COMMD10: variants seen among roughly 807,000 people sequenced by gnomAD.
COMMD10 encodes COMM domain-containing protein 10.
A neutral mutation model predicts 28.9 loss-of-function variants in COMMD10; 33 were observed. The ratio of observed to expected loss-of-function variants is 1.14; its 90% CI spans 0.87 to 1.53. The LOEUF (loss-of-function observed/expected upper bound fraction) is 1.53, where lower values mean the gene tolerates loss of function less well. Ranked by LOEUF, COMMD10 falls within the 40% of genes most tolerant of loss-of-function variation. The pLI, the probability that COMMD10 is intolerant of heterozygous loss-of-function variation, is 0.00. For synonymous variants in COMMD10, 110 were observed against 81.7 expected, an observed-to-expected ratio of 1.35 and a Z score of -1.87; for missense variants, 310 against 233.4, an observed-to-expected ratio of 1.33 and a Z score of -2.14.
chr5:116,185,718 A>G (rs1307652297), intron 5 of COMMD10, among the ~76,000 whole-genome samples: 4 of 152,174 alleles, frequency 2.6e-5, no homozygotes, highest in Admixed American at 6.6e-5. Flanking sequence ...ACAAAGAGCT[A>G]TGTTTTGAGC....
intron 5 of COMMD10, among the ~76,000 whole-genome samples, chr5:116,191,189 G>T (rs1257997730): frequency 6.6e-6 from 1 of 152,084 alleles, no homozygotes; most frequent in Non-Finnish European, 1.5e-5. Flanking sequence ...ACACCACAGG[G>T]ATCCATCAGG....
intron 5 of COMMD10, among the ~76,000 whole-genome samples, chr5:116,202,665 T>C (rs1748700554): frequency 6.6e-6 from 1 of 152,020 alleles, no homozygotes; most frequent in Admixed American, 6.6e-5. Flanking sequence ...CATGTGTCTT[T>C]TGGCTGCATC....
intron 5 of COMMD10, among the ~76,000 whole-genome samples, chr5:116,226,005 A>T (rs1749386235): frequency 6.6e-6 from 1 of 151,950 alleles, no homozygotes; most frequent in South Asian, 2.1e-4. Flanking sequence ...TCCAAGTTCT[A>T]GCATCTTTAG....
intron 5 of COMMD10, among the ~76,000 whole-genome samples, chr5:116,149,822 TGGTA>T (rs1483396035): frequency 1.4e-5 from 2 of 147,046 alleles, no homozygotes; most frequent in African/African-American, 5.0e-5. Context: ...TTCACTCTGA[TGGTA>T]GTTTCTTTTG....
At chr5:116,197,864 T>A (rs1446240921) in intron 5 of COMMD10, among the ~76,000 whole-genome samples, 4 of 152,160 alleles carry the variant, frequency 2.6e-5, no homozygotes, top group Non-Finnish European at 5.9e-5. Context: ...TTGCCTAGGT[T>A]ATATATTGAG....
At chr5:116,229,536 A>G (rs533036224) in intron 5 of COMMD10, among the ~76,000 whole-genome samples, 1 of 152,058 alleles carries the variant, frequency 6.6e-6, no homozygotes, top group Non-Finnish European at 1.5e-5. Context: ...TCAGCAAGCA[A>G]TTATTGAGCA....
chr5:116,151,932 G>A (rs9688263), intron 5 of COMMD10, among the ~76,000 whole-genome samples: 1 of 151,782 alleles, frequency 6.6e-6, no homozygotes, highest in African/African-American at 2.4e-5. Context: ...TTTTCTAGTT[G>A]TTTTAATTGT....
At chr5:116,269,674 T>C (rs1328514381) in intron 5 of COMMD10, among the ~76,000 whole-genome samples, 1 of 151,872 alleles carries the variant, frequency 6.6e-6, no homozygotes, top group Non-Finnish European at 1.5e-5. Flanking sequence ...AGCCTCTTCT[T>C]AAGTTTCCCT....
chr5:116,207,846 C>T (rs1372709560), intron 5 of COMMD10, among the ~76,000 whole-genome samples: 1 of 152,136 alleles, frequency 6.6e-6, no homozygotes, highest in African/African-American at 2.4e-5. Context: ...CTGTATCACA[C>T]TCCCAACCTT....
chr5:116,129,418 AT>A (rs1195358039), intron 4 of COMMD10, among the ~76,000 whole-genome samples: 1 of 82,906 alleles, frequency 1.2e-5, no homozygotes, highest in African/African-American at 4.7e-5. Context: ...TGTAATATAC[AT>A]TAGTATATAT....
At chr5:116,269,341 C>A (rs1750693435) in intron 5 of COMMD10, among the ~76,000 whole-genome samples, 1 of 151,776 alleles carries the variant, frequency 6.6e-6, no homozygotes, top group Non-Finnish European at 1.5e-5. Context: ...AAATTTTGGG[C>A]CACCCACCAA....
intron 5 of COMMD10, among the ~76,000 whole-genome samples, chr5:116,274,384 G>A (rs1042417721): frequency 2.0e-5 from 3 of 151,794 alleles, no homozygotes; most frequent in African/African-American, 7.3e-5. Flanking sequence ...CAACACAAAA[G>A]TAGGCTTAGA....
chr5:116,286,174 A>G (rs1038770593), intron 5 of COMMD10, among the ~76,000 whole-genome samples: 1 of 151,500 alleles, frequency 6.6e-6, no homozygotes, highest in Non-Finnish European at 1.5e-5. Flanking sequence ...CTTTTATAAC[A>G]CTTTTTTATT....
Position 116,091,105 on chromosome 5 carries a change from G to A in COMMD10, c.159G>A (p.Glu53=). 6.2e-7 allele frequency: 1 copy of A among 1,610,470 alleles called. No individual in the cohort carries two copies. Among genetic ancestry groups the A allele is most frequent in the South Asian group, 1.1e-5 (1 of 90,552 alleles). ...LKAESSFSEE[E]EEKLQAAFSL... The stretch of plus-strand genomic sequence containing the variant: ...CTGAGAGCAGTTTCAGTGAAGAAGA[G>A]GAAGAAAAACTTCAAGCGGCATTTT... Residue 53 remains glutamate (E), a synonymous_variant, in exon 3 of 7, where the codon GAG becomes GAA. Coordinates refer to ENST00000274458, the MANE Select transcript of COMMD10 (RefSeq NM_016144.4).
chr5:116,191,281 T>A (rs1748362668), intron 5 of COMMD10, among the ~76,000 whole-genome samples: 1 of 151,866 alleles, frequency 6.6e-6, no homozygotes, highest in Non-Finnish European at 1.5e-5. Context: ...TTGAATGGGG[T>A]GAGAAGCCTC....
At chr5:116,151,118 A>G (rs1225836074) in intron 5 of COMMD10, among the ~76,000 whole-genome samples, 1 of 151,892 alleles carries the variant, frequency 6.6e-6, no homozygotes, top group African/African-American at 2.4e-5. Flanking sequence ...TGAGATAATC[A>G]TGTGGTTTTT....
At chr5:116,256,855 A>G (rs1750302438) in intron 5 of COMMD10, among the ~76,000 whole-genome samples, 1 of 151,656 alleles carries the variant, frequency 6.6e-6, no homozygotes, top group Non-Finnish European at 1.5e-5. Flanking sequence ...CCACGTGGAT[A>G]CTCTGTGGTG....
chr5:116,268,970 A>C (rs1025179396), intron 5 of COMMD10, among the ~76,000 whole-genome samples: 2 of 151,690 alleles, frequency 1.3e-5, no homozygotes, highest in Non-Finnish European at 2.9e-5. Context: ...AGGGAAAGGG[A>C]TAGCATTAGG....
chr5:116,290,655 C>T (rs1279832276), intron 5 of COMMD10, among the ~76,000 whole-genome samples: 1 of 151,850 alleles, frequency 6.6e-6, no homozygotes, highest in East Asian at 1.9e-4. Flanking sequence ...GTTCATGATG[C>T]CCATTTTATG....
Sources: gnomAD v4.1 joint callset for allele counts (sites outside exome capture counted in the v4.1 genomes callset) on GRCh38, gnomAD v4.1.1 for gene constraint, MANE v1.5 for transcripts, NCBI Gene and HGNC (gene_info 2026-07-23, HGNC 2026-07-21) for gene names.